Variants in FOCAD observed in about 807,000 individuals in gnomAD.
FOCAD encodes focadhesin.
FOCAD carries 198 observed loss-of-function variants against 225.6 expected under a neutral mutation model. That is an observed-to-expected ratio of 0.88 (90% CI 0.78 to 0.99). The LOEUF is 0.99. Ranked by LOEUF, FOCAD falls within the 50% of genes least tolerant of loss-of-function variation. The pLI is 0.00. For missense variants in FOCAD, 2,713 were observed against 2,123.6 expected (o/e 1.28, Z -5.46); for synonymous variants, 897 against 755.0 (o/e 1.19, Z -3.08).
At chr9:20,980,117 T>C (rs2132617391) in intron 37 of FOCAD, among the ~76,000 whole-genome samples, 1 of 151,336 alleles carries the variant, frequency 6.6e-6, no homozygotes, top group Non-Finnish European at 1.5e-5. Context: ...TTTATTTATA[T>C]AATTTTATAT....
chr9:20,780,703 A>G (rs932412546), intron 9 of FOCAD, among the ~76,000 whole-genome samples: 2 of 152,220 alleles, frequency 1.3e-5, no homozygotes, highest in East Asian at 3.8e-4. Flanking sequence ...ATAGCAATTT[A>G]TAAAAATGCC....
intron 15 of FOCAD, among the ~76,000 whole-genome samples, chr9:20,844,827 G>A (rs932262790): frequency 1.3e-5 from 2 of 152,086 alleles, no homozygotes; most frequent in African/African-American, 4.8e-5. Flanking sequence ...TAATAATGAA[G>A]TTAATGTGAT....
Position 20,781,914 on chromosome 9 carries a change from A to C in FOCAD, c.1182A>C (p.Arg394Ser), listed in dbSNP as rs1287677384. The change falls in exon 10 of 44, where the codon AGA becomes AGC. Residue 394 changes from arginine to serine, a missense_variant. Arg to Ser is a moderately radical substitution (Grantham distance 110). Coordinates refer to ENST00000338382, the MANE Select transcript of FOCAD (RefSeq NM_001375567.1). ...LLEMIQQECY[R>S]DDHQKLSYKL... is the part of the protein sequence containing the mutation. ...AAATGATACAGCAGGAATGTTACAG[A>C]GATGACCACCAAAAGGTAATGAATC... is the stretch of plus-strand genomic sequence containing the variant. 2 of 1,613,748 alleles carry C rather than the reference A, an allele frequency of 1.2e-6. No individual in the cohort carries two copies. The highest frequency in any genetic ancestry group is 1.7e-6 in the Non-Finnish European group (2 of 1,179,808).
At chr9:20,802,002 A>C (rs577638596) in intron 11 of FOCAD, among the ~76,000 whole-genome samples, 49 of 152,230 alleles carry the variant, frequency 3.2e-4, no homozygotes, top group African/African-American at 1.2e-3. Context: ...TTGTTATAAT[A>C]GACTCTTAGG....
intron 18 of FOCAD, among the ~76,000 whole-genome samples, chr9:20,871,636 C>A (rs1330779922): frequency 6.7e-6 from 1 of 149,902 alleles, no homozygotes; most frequent in Non-Finnish European, 1.5e-5. Flanking sequence ...CCCAAATAAC[C>A]TATGGAAATA....
intron 10 of FOCAD, among the ~76,000 whole-genome samples, chr9:20,784,117 T>A (rs1234282059): frequency 6.6e-6 from 1 of 152,102 alleles, no homozygotes; most frequent in Non-Finnish European, 1.5e-5. Context: ...CTGGATGATA[T>A]AGTCTGCTGG....
intron 35 of FOCAD, among the ~76,000 whole-genome samples, chr9:20,964,590 C>T (rs936305556): frequency 6.6e-6 from 1 of 151,728 alleles, no homozygotes; most frequent in Non-Finnish European, 1.5e-5. Flanking sequence ...GGCTGGAGGG[C>T]AGTGGCGTGA....
At chr9:20,986,547 T>G in intron 40 of FOCAD, 82 bp downstream of exon 40, 1 of 1,304,604 alleles carries the variant, frequency 7.7e-7, no homozygotes, top group Non-Finnish European at 1.0e-6. Flanking sequence ...AGTTCTCAAC[T>G]TAAAAATTAG....
At chr9:20,795,786 A>T (rs998513379) in intron 11 of FOCAD, among the ~76,000 whole-genome samples, 1 of 99,960 alleles carries the variant, frequency 1.0e-5, no homozygotes, top group Non-Finnish European at 2.4e-5. Flanking sequence ...TCTGTCTCGA[A>T]AAAAAAAAAA....
chr9:20,813,724 T>C (rs1391432160), intron 11 of FOCAD, among the ~76,000 whole-genome samples: 5 of 152,198 alleles, frequency 3.3e-5, no homozygotes, highest in Non-Finnish European at 7.3e-5. Context: ...GAACGTTCTA[T>C]GTGAGTTTGT....
Position 20,740,308 on chromosome 9 carries a change from G to A in FOCAD, c.360G>A (p.Gly120=). 6.2e-7 allele frequency: 1 copy of A among 1,610,444 alleles called. No homozygotes were observed. The highest frequency in any genetic ancestry group is 8.5e-7 in the Non-Finnish European group (1 of 1,177,776). The part of the protein sequence containing the change: ...QMQALKEGQG[G]EKNIQSIYTI... ...AAGCTCTTAAGGAAGGACAAGGTGG[G>A]GAAAAGAATATTCAGAGTATATATA... Residue 120 remains glycine (G), a synonymous_variant, in exon 5 of 44, where the codon GGG becomes GGA. Coordinates refer to ENST00000338382, the MANE Select transcript of FOCAD (RefSeq NM_001375567.1).
intron 8 of FOCAD, among the ~76,000 whole-genome samples, chr9:20,772,066 A>T (rs543447814): frequency 6.6e-6 from 1 of 152,318 alleles, no homozygotes; most frequent in Admixed American, 6.5e-5. Context: ...TGAGGGCCTA[A>T]TGAGGGAAAT....
chr9:20,746,768 C>T (rs1828068457), intron 5 of FOCAD, among the ~76,000 whole-genome samples: 1 of 152,122 alleles, frequency 6.6e-6, no homozygotes, highest in African/African-American at 2.4e-5. Context: ...TCAATAATGT[C>T]CTGCCTTTTG....
intron 1 of FOCAD, among the ~76,000 whole-genome samples, chr9:20,714,666 T>G (rs867665046): frequency 9.4e-4 from 138 of 146,374 alleles, no homozygotes; most frequent in Admixed American, 4.6e-3. Flanking sequence ...CTTCCTTCCT[T>G]CCTTCCTTCC....
At chr9:20,745,856 C>G (rs1827998478) in intron 5 of FOCAD, among the ~76,000 whole-genome samples, 1 of 152,056 alleles carries the variant, frequency 6.6e-6, no homozygotes, top group African/African-American at 2.4e-5. Flanking sequence ...GACAATTAGG[C>G]CAACAGTAAT....
At chr9:20,896,573 T>C (rs746962371) in intron 21 of FOCAD, among the ~76,000 whole-genome samples, 3 of 151,904 alleles carry the variant, frequency 2.0e-5, no homozygotes, top group Middle Eastern at 3.2e-3. Flanking sequence ...ATATCTTTTT[T>C]TCATGTGAGT....
chr9:20,970,981 T>A (rs1488778610), intron 35 of FOCAD, among the ~76,000 whole-genome samples: 1 of 152,184 alleles, frequency 6.6e-6, no homozygotes, highest in Non-Finnish European at 1.5e-5. Context: ...CAGGGTAACT[T>A]GGAGTATTAC....
In FOCAD at chr9:20,981,694, A is replaced by G; in HGVS notation, c.4638+8A>G. The G allele has an allele frequency of 1.9e-6, 3 of 1,598,988 alleles. No individual in the cohort carries two copies. Among genetic ancestry groups the G allele is most frequent in the South Asian group, 2.2e-5 (2 of 89,122 alleles). ...CTGCCAAATAAGATTCGGGTGAGGA[A>G]CAAAAATATTTACATTCCTGACAAT... is the stretch of plus-strand genomic sequence containing the variant. On this transcript the variant is annotated splice_region_variant and intron_variant, in intron 38 of 43. Coordinates refer to ENST00000338382, the MANE Select transcript of FOCAD (RefSeq NM_001375567.1).
chr9:20,692,348 G>A (rs1455793295), intron 1 of FOCAD, among the ~76,000 whole-genome samples: 5 of 152,056 alleles, frequency 3.3e-5, no homozygotes, highest in African/African-American at 9.7e-5. Context: ...TGGAAAGTGT[G>A]TTGGCTATAC....
Sources: gnomAD v4.1 joint callset for allele counts (sites outside exome capture counted in the v4.1 genomes callset) on GRCh38, gnomAD v4.1.1 for gene constraint, MANE v1.5 for transcripts, NCBI Gene and HGNC (gene_info 2026-07-23, HGNC 2026-07-21) for gene names.